Variants in SEMA3E observed in about 807,000 individuals in gnomAD.
The protein encoded by SEMA3E is semaphorin 3E, also known as semaphorin-3E.
In SEMA3E, 49 loss-of-function variants were observed where a neutral mutation model predicts 93.6. The ratio of observed to expected loss-of-function variants is 0.52; its 90% confidence interval spans 0.42 to 0.66. The LOEUF (loss-of-function observed/expected upper bound fraction) is 0.66, where lower values mean the gene tolerates loss of function less well. Among genes scored for constraint, SEMA3E ranks in the 30% least tolerant of loss-of-function variants. The pLI, the probability that SEMA3E is intolerant of heterozygous loss-of-function variation, is 0.00. For missense variants in SEMA3E, 906 were observed against 964.8 expected, an observed-to-expected ratio of 0.94 and a Z score of 0.81; for synonymous variants, 363 against 330.7, an observed-to-expected ratio of 1.10 and a Z score of -1.06.
intron 1 of SEMA3E, among the ~76,000 whole-genome samples, chr7:83,523,326 A>C (rs1031042884): frequency 2.1e-4 from 32 of 152,078 alleles, no homozygotes; most frequent in Admixed American, 1.3e-4. Flanking sequence ...AGAGAGTACC[A>C]GCTTTTAGTT....
intron 1 of SEMA3E, among the ~76,000 whole-genome samples, chr7:83,508,182 T>C (rs970655440): frequency 4.6e-5 from 7 of 152,136 alleles, no homozygotes; most frequent in African/African-American, 1.7e-4. Flanking sequence ...GCCTTCAAAC[T>C]GCTAAAATCT....
intron 1 of SEMA3E, among the ~76,000 whole-genome samples, chr7:83,614,388 A>G (rs1223449467): frequency 6.6e-6 from 1 of 152,160 alleles, no homozygotes; most frequent in Non-Finnish European, 1.5e-5. Context: ...CATGTACTTT[A>G]GAGAAAGTTG....
intron 1 of SEMA3E, among the ~76,000 whole-genome samples, chr7:83,592,302 T>A (rs1446255541): frequency 1.3e-5 from 2 of 152,166 alleles, no homozygotes; most frequent in Non-Finnish European, 2.9e-5. Context: ...AATAAATATA[T>A]ACTTAAAGTT....
At chr7:83,405,748 A>C (rs1457774070) in intron 8 of SEMA3E, among the ~76,000 whole-genome samples, 197 bp downstream of exon 8, 2 of 152,102 alleles carry the variant, frequency 1.3e-5, no homozygotes, top group Admixed American at 6.6e-5. Context: ...CTAAGCTAAC[A>C]AGATGAGCCT....
chr7:83,391,041 T>C (rs1023523330), intron 14 of SEMA3E, among the ~76,000 whole-genome samples: 1 of 152,164 alleles, frequency 6.6e-6, no homozygotes, highest in Non-Finnish European at 1.5e-5. Context: ...AATAAAATAA[T>C]TAATGCTGTT....
intron 1 of SEMA3E, among the ~76,000 whole-genome samples, chr7:83,620,172 C>T (rs1793521250): frequency 6.6e-6 from 1 of 151,794 alleles, no homozygotes; most frequent in African/African-American, 2.4e-5. Context: ...AGGTCTTCTG[C>T]AGACTTCCAT....
chr7:83,482,871 G>A (rs1273736748), intron 2 of SEMA3E, among the ~76,000 whole-genome samples: 1 of 151,646 alleles, frequency 6.6e-6, no homozygotes, highest in Non-Finnish European at 1.5e-5. Flanking sequence ...GGATATGTTT[G>A]AAGGTTATTC....
chr7:83,408,273 AT>A lies in SEMA3E; in HGVS notation c.670+94del, dbSNP rs2115653928. 4 of 1,405,472 alleles carry A rather than the reference AT, an allele frequency of 2.8e-6. No individual in the cohort carries two copies. The East Asian group carries it at 7.2e-5, about 25-fold the overall frequency. The allele number at this position is 1,405,472 out of a possible 1,614,324, so 87.1% of individuals were successfully genotyped here. ...ATTCTGAAATTTGTAAAGGAATTGT[AT>A]TTATATTCTTATTATTATCAAAATG... On this transcript the variant is annotated intron_variant, in intron 6 of 16. Transcript: ENST00000643230.
intron 2 of SEMA3E, among the ~76,000 whole-genome samples, chr7:83,474,184 T>G (rs2115911244): frequency 6.6e-6 from 1 of 152,058 alleles, no homozygotes; most frequent in South Asian, 2.1e-4. Context: ...ATAAGGCATG[T>G]AAATCCCAGA....
chr7:83,481,657 A>G (rs545704086), intron 2 of SEMA3E, among the ~76,000 whole-genome samples: 35 of 152,290 alleles, frequency 2.3e-4, no homozygotes, highest in Non-Finnish European at 3.8e-4. Context: ...GTCTTTAATG[A>G]ATGTTATATA....
chr7:83,417,154 C>T (rs1244234748), intron 5 of SEMA3E, among the ~76,000 whole-genome samples: 1 of 151,938 alleles, frequency 6.6e-6, no homozygotes, highest in Admixed American at 6.6e-5. Flanking sequence ...ATATAATTCT[C>T]ATTTTATAGC....
chr7:83,480,810 G>A (rs1449992255), intron 2 of SEMA3E, among the ~76,000 whole-genome samples: 1 of 152,026 alleles, frequency 6.6e-6, no homozygotes, highest in African/African-American at 2.4e-5. Flanking sequence ...CTTAATGAAA[G>A]CTCCTAACCA....
In SEMA3E at chr7:83,644,206, A is replaced by G. The variant is rs1004159129; in HGVS notation, c.115+4222T>C. 3.9e-4 allele frequency among the ~76,000 whole-genome samples: 60 copies of G among 152,086 alleles called. 2 individuals carry two copies. The highest frequency in any genetic ancestry group is 5.9e-4 in the Non-Finnish European group (40 of 67,858). ...TATGTGTACACTACAGCAAAAAAAAAAAATATATAGGCCATGAATCTTGGA... is the reference window on the plus strand; with the variant it reads ...TATGTGTACACTACAGCAAAAAAAAGAAATATATAGGCCATGAATCTTGGA... On this transcript the variant is annotated intron_variant, in intron 1 of 16. Coordinates refer to ENST00000643230, the MANE Select transcript of SEMA3E (RefSeq NM_012431.3).
chr7:83,634,959 GT>G (rs1323299384), intron 1 of SEMA3E, among the ~76,000 whole-genome samples: 2 of 151,898 alleles, frequency 1.3e-5, no homozygotes, highest in African/African-American at 2.4e-5. Flanking sequence ...TATAATTTAC[GT>G]TTTGATTATG....
chr7:83,488,843 C>T (rs576297955), intron 2 of SEMA3E, among the ~76,000 whole-genome samples: 30 of 152,032 alleles, frequency 2.0e-4, no homozygotes, highest in Admixed American at 1.9e-3. Flanking sequence ...GTAAATTGTA[C>T]TACATTGAGA....
chr7:83,478,187 T>C (rs1157272265), intron 2 of SEMA3E, among the ~76,000 whole-genome samples: 1 of 152,194 alleles, frequency 6.6e-6, no homozygotes, highest in Non-Finnish European at 1.5e-5. Context: ...TCCCCCAAAG[T>C]GGTGGAATTA....
At chr7:83,405,396 C>A (rs370460231) in intron 9 of SEMA3E, 54 bp downstream of exon 9, 13 of 1,277,728 alleles carry the variant, frequency 1.0e-5, no homozygotes, top group Admixed American at 1.0e-4. Context: ...AGGGAGAGTC[C>A]GGTGAGGCAT....
At position 83,367,518 on chromosome 7, in the gene SEMA3E, ATTTAT is replaced by A; in HGVS notation, c.*63_*67del. ...TTAAGTAATGCAAAGAAGTTGGATG[ATTTAT>A]TTTTTTACTTTTTTACTTTCCAAAT... On this transcript the variant is annotated 3_prime_UTR_variant, in exon 17 of 17. Coordinates refer to ENST00000643230, the MANE Select transcript of SEMA3E (RefSeq NM_012431.3). The A allele has an allele frequency of 6.7e-7, 1 of 1,487,586 alleles. No homozygotes were observed. Among genetic ancestry groups the A allele is most frequent in the Non-Finnish European group, 9.3e-7 (1 of 1,080,334 alleles). 92.1% of individuals were successfully genotyped at this position (1,487,586 alleles called of 1,614,324 possible). A position where few individuals can be genotyped will look rare whatever the true frequency, so the allele number is the denominator to read the frequency against.
At chr7:83,574,748 G>T (rs1030044990) in intron 1 of SEMA3E, among the ~76,000 whole-genome samples, 1 of 152,138 alleles carries the variant, frequency 6.6e-6, no homozygotes, top group Non-Finnish European at 1.5e-5. Context: ...GGAGAACTGA[G>T]GTGCTTCAGC....
Sources: allele counts gnomAD v4.1 joint callset (sites outside exome capture counted in the v4.1 genomes callset), GRCh38; gene constraint gnomAD v4.1.1; transcripts MANE v1.5; gene names NCBI Gene and HGNC (gene_info 2026-07-23, HGNC 2026-07-21).